The following SLC39A9 variants were observed in gnomAD, a reference collection of about 807,000 sequenced individuals.
The protein encoded by SLC39A9 is zinc transporter ZIP9.
Under a neutral mutation model 28.4 loss-of-function variants are expected in SLC39A9, and 14 were observed. The observed-to-expected ratio is 0.49, with a 90% CI of 0.33 to 0.77. The LOEUF (loss-of-function observed/expected upper bound fraction) is 0.77. Ranked by LOEUF, SLC39A9 falls within the 30% of genes least tolerant of loss-of-function variation. The probability of loss-of-function intolerance (pLI) is 0.02; values close to 1 mark genes in which losing one functional copy is unlikely to be tolerated. For missense variants in SLC39A9, 283 were observed against 381.1 expected (o/e 0.74, Z 2.14); for synonymous variants, 119 against 149.6 (o/e 0.80, Z 1.49).
chr14:69,424,227 G>T, intron 2 of SLC39A9, 25 bp downstream of exon 2: 1 of 1,543,436 alleles, frequency 6.5e-7, no homozygotes, highest in South Asian at 1.1e-5. Flanking sequence ...AGCATTATTT[G>T]AGATATGTTA....
At chr14:69,423,812 C>T (rs560884145) in intron 1 of SLC39A9, among the ~76,000 whole-genome samples, 3 of 151,372 alleles carry the variant, frequency 2.0e-5, no homozygotes, top group East Asian at 1.9e-4. Flanking sequence ...GCAGGATAAT[C>T]GCTGGAACTT....
intron 2 of SLC39A9, among the ~76,000 whole-genome samples, chr14:69,439,115 A>G (rs1043223616): frequency 2.0e-5 from 3 of 152,348 alleles, no homozygotes; most frequent in African/African-American, 7.2e-5. Flanking sequence ...GCATACAAAT[A>G]TCAGTTGCAT....
intron 1 of SLC39A9, among the ~76,000 whole-genome samples, chr14:69,420,310 A>G (rs1458408590): frequency 6.6e-6 from 1 of 152,190 alleles, no homozygotes; most frequent in Non-Finnish European, 1.5e-5. Context: ...TTCTTTGAGA[A>G]TGTTGAATAT....
chr14:69,439,022 T>G (rs963446652), intron 2 of SLC39A9, among the ~76,000 whole-genome samples: 3 of 152,222 alleles, frequency 2.0e-5, no homozygotes, highest in African/African-American at 7.2e-5. Context: ...GATGATCTTA[T>G]GCATAGAAAT....
chr14:69,452,838 G>C (rs1018023952), intron 3 of SLC39A9, among the ~76,000 whole-genome samples: 1 of 152,134 alleles, frequency 6.6e-6, no homozygotes, highest in Non-Finnish European at 1.5e-5. Flanking sequence ...AATTAGATTG[G>C]TCTGGAAAGA....
intron 3 of SLC39A9, among the ~76,000 whole-genome samples, chr14:69,448,118 G>A (rs1464300786): frequency 6.7e-6 from 1 of 150,290 alleles, no homozygotes; most frequent in Non-Finnish European, 1.5e-5. Context: ...GGGAGGCTGA[G>A]GCAGGAGAAT....
At chr14:69,409,852 A>G (rs578018532) in intron 1 of SLC39A9, among the ~76,000 whole-genome samples, 2 of 152,306 alleles carry the variant, frequency 1.3e-5, no homozygotes, top group East Asian at 1.9e-4. Flanking sequence ...CTCAATCTAT[A>G]TTACCAGTTT....
chr14:69,411,945 G>A (rs1566908622), intron 1 of SLC39A9, among the ~76,000 whole-genome samples: 1 of 151,808 alleles, frequency 6.6e-6, no homozygotes, highest in Admixed American at 6.6e-5. Flanking sequence ...ACCATGCCCA[G>A]CTCATTTTTG....
intron 1 of SLC39A9, among the ~76,000 whole-genome samples, chr14:69,419,577 ATCTG>A (rs1425727220): frequency 2.0e-5 from 3 of 152,116 alleles, no homozygotes; most frequent in African/African-American, 7.2e-5. Context: ...TGTCTTGTTG[ATCTG>A]TCTAATATTG....
intron 4 of SLC39A9, among the ~76,000 whole-genome samples, chr14:69,453,774 A>G (rs1002429775): frequency 5.9e-5 from 9 of 152,232 alleles, no homozygotes; most frequent in South Asian, 2.1e-4. Context: ...GAATGAAGAT[A>G]AAGTTGCAGG....
chr14:69,445,563 A>AAGTT (rs34524142), intron 3 of SLC39A9, among the ~76,000 whole-genome samples: 8,057 of 152,218 alleles, frequency 0.053, 301 homozygotes, highest in East Asian at 0.093. Flanking sequence ...GGGGAGTGAA[A>AAGTT]AGTTGTATGT....
intron 1 of SLC39A9, among the ~76,000 whole-genome samples, chr14:69,413,558 G>A (rs1883400131): frequency 1.3e-5 from 2 of 151,790 alleles, no homozygotes; most frequent in African/African-American, 4.8e-5. Flanking sequence ...GCTTTATGAT[G>A]TGCTCACTGT....
intron 1 of SLC39A9, 134 bp downstream of exon 1, chr14:69,399,599 G>C: frequency 1.5e-6 from 1 of 650,598 alleles, no homozygotes; most frequent in Non-Finnish European, 2.7e-6. Flanking sequence ...TTTTTTAAAA[G>C]ATACATGACA....
At chr14:69,434,058 T>G (rs1884622215) in intron 2 of SLC39A9, among the ~76,000 whole-genome samples, 1 of 151,284 alleles carries the variant, frequency 6.6e-6, no homozygotes, top group Non-Finnish European at 1.5e-5. Context: ...GTGCTGAGAT[T>G]ACAGGCATGT....
intron 2 of SLC39A9, 162 bp from the exon 3 acceptor site, chr14:69,441,907 C>CT (rs1885066604): frequency 7.2e-7 from 1 of 1,398,518 alleles, no homozygotes; most frequent in African/African-American, 1.5e-5. Flanking sequence ...TCATCATGAA[C>CT]TTTAAGTTGA....
Position 69,434,582 on chromosome 14 carries a change from GAC to G in SLC39A9, c.206-7478_206-7477del, listed in dbSNP as rs200512067. On this transcript the variant is annotated intron_variant, in intron 2 of 6. Coordinates refer to ENST00000336643, the MANE Select transcript of SLC39A9 (RefSeq NM_018375.5). ...TACAGAAAAATTAGGTGGGCGCAGT[GAC>G]ACACACACCAGGAGGCTGAGGCTGC... 6.0e-3 allele frequency among the ~76,000 whole-genome samples: 909 copies of G among 152,078 alleles called. 5 individuals carry two copies. Among genetic ancestry groups the G allele is most frequent in the African/African-American group, 0.021 (871 of 41,514 alleles).
At chr14:69,425,780 C>T (rs890515443) in intron 2 of SLC39A9, among the ~76,000 whole-genome samples, 1 of 152,056 alleles carries the variant, frequency 6.6e-6, no homozygotes, top group Non-Finnish European at 1.5e-5. Context: ...ACCTCAGCCT[C>T]CTGAGTAGCT....
rs913266226 is a variant in SLC39A9, at chr14:69,461,954, A to T, written c.*3361A>T. 1 of 478,278 alleles carries T rather than the reference A, an allele frequency of 2.1e-6. No individual in the cohort carries two copies. The highest frequency in any genetic ancestry group is 4.2e-5 in the South Asian group (1 of 23,728). 29.6% of individuals were successfully genotyped at this position (478,278 alleles called of 1,614,324 possible). A position where few individuals can be genotyped will look rare whatever the true frequency, so the allele number is the denominator to read the frequency against. ...TTCCATTAGAAAATTTCTGCTCAAT[A>T]CAGAATGGTCCACATCACCCAAAGT... On this transcript the variant is annotated 3_prime_UTR_variant, in exon 7 of 7. Transcript: ENST00000336643.
chr14:69,419,962 C>G (rs1437933262), intron 1 of SLC39A9, among the ~76,000 whole-genome samples: 1 of 152,154 alleles, frequency 6.6e-6, no homozygotes, highest in Admixed American at 6.6e-5. Context: ...ATTTGCCAGT[C>G]TGTGTCTTTT....
Sources: gnomAD v4.1 joint callset for allele counts (sites outside exome capture counted in the v4.1 genomes callset) on GRCh38, gnomAD v4.1.1 for gene constraint, MANE v1.5 for transcripts, NCBI Gene and HGNC (gene_info 2026-07-23, HGNC 2026-07-21) for gene names.